Variants in OR6C1 observed in about 807,000 individuals in gnomAD.
The protein encoded by OR6C1 is olfactory receptor family 6 subfamily C member 1.
For missense variants in OR6C1, 386 were observed against 366.1 expected (o/e 1.05, Z -0.44); for synonymous variants, 157 against 133.3 (o/e 1.18, Z -1.22).
rs777792941 is a variant in OR6C1, at chr12:55,321,109, T to C, written c.510T>C (p.Asn170=). ...TAAAGCTTCATTACTGTAGGTCTAA[T>C]ATTATTGACCATTTTACCTGTGATT... ...LLLKLHYCRS[N]IIDHFTCDYF... Residue 170 remains asparagine, a synonymous_variant, in exon 2 of 2, where the codon AAT becomes AAC. Transcript: ENST00000642104. 9.3e-6 allele frequency: 15 copies of C among 1,613,102 alleles called. No individual in the cohort carries two copies. Among genetic ancestry groups the C allele is most frequent in the Non-Finnish European group, 1.3e-5 (15 of 1,179,140 alleles).
chr12:55,321,679 A>G lies in OR6C1; in HGVS notation c.*141A>G. On this transcript the variant is annotated 3_prime_UTR_variant, in exon 2 of 2. Transcript: ENST00000642104. ...GTTTGCAAGCATATTTATTTAATAT[A>G]TTTCTCATTTGACTTAAAATAATTT... 1 of 474,088 alleles carries G rather than the reference A, an allele frequency of 2.1e-6. No homozygotes were observed. The allele number at this position is 474,088 out of a possible 1,614,324, so 29.4% of individuals were successfully genotyped here. A position where few individuals can be genotyped will look rare whatever the true frequency, so the allele number is the denominator to read the frequency against.
chr12:55,320,841 G>A lies in OR6C1; in HGVS notation c.242G>A (p.Gly81Asp), dbSNP rs769276643. ...ACCGTCAGTATACCCAAGTTTCTGG[G>A]TAACATTATTTCAGGAGATAAAACC... ...FTTVSIPKFL[G>D]NIISGDKTIS... Residue 81 changes from glycine (G) to aspartate (D), a missense_variant, in exon 2 of 2, where the codon GGT (glycine) becomes GAT (aspartate). Transcript: ENST00000642104. The A allele has an allele frequency of 1.4e-5, 22 of 1,613,402 alleles. No homozygotes were observed. In the Admixed American group the frequency reaches 3.0e-4, roughly 22 times the overall value.
At chr12:55,319,996 C>T (rs1305605133) in intron 1 of OR6C1, among the ~76,000 whole-genome samples, 1 of 152,066 alleles carries the variant, frequency 6.6e-6, no homozygotes, top group Non-Finnish European at 1.5e-5. Flanking sequence ...CAAAAATTAT[C>T]CAGGCGTGGT....
intron 1 of OR6C1, among the ~76,000 whole-genome samples, chr12:55,316,769 A>G (rs548481717): frequency 6.6e-6 from 1 of 151,954 alleles, no homozygotes; most frequent in Admixed American, 6.6e-5. Context: ...AGCATGATAT[A>G]CCACACCCAG....
intron 1 of OR6C1, among the ~76,000 whole-genome samples, chr12:55,316,098 C>T (rs78828617): frequency 0.051 from 5,354 of 105,768 alleles, 337 homozygotes; most frequent in African/African-American, 0.15. Context: ...AAAGTACATA[C>T]ACACACACAC....
In OR6C1 at chr12:55,321,606, C is replaced by A; in HGVS notation, c.*68C>A. The A allele has an allele frequency of 9.6e-7, 1 of 1,043,820 alleles. No homozygotes were observed. The highest frequency in any genetic ancestry group is 1.7e-5 in the South Asian group (1 of 59,954). The allele number at this position is 1,043,820 out of a possible 1,614,324, so 64.7% of individuals were successfully genotyped here. On this transcript the variant is annotated 3_prime_UTR_variant, in exon 2 of 2. Coordinates refer to ENST00000642104, the MANE Select transcript of OR6C1 (RefSeq NM_001005182.2). ...ATGAATTTTCAGTAGCTTCTTCAAT[C>A]AAAATGGCCTCCTTGCAGTCTTCTG... is the stretch of plus-strand genomic sequence containing the variant.
In OR6C1 at chr12:55,319,864, GT is replaced by G. The variant is rs200484235; in HGVS notation, c.-33-701del. ...CACTCACTTTTTAAAAACTGGGCCA[GT>G]TGCAGTGGCTCATGCCTGTAATCCC... On this transcript the variant is annotated intron_variant, in intron 1 of 1. Transcript: ENST00000642104. Among the ~76,000 whole-genome samples the G allele has an allele frequency of 2.4e-3, 372 of 152,330 alleles. 3 individuals carry two copies. The East Asian group carries it at 0.028, about 11-fold the overall frequency.
Position 55,314,401 on chromosome 12 carries a change from C to G in OR6C1, c.-232C>G, listed in dbSNP as rs1023644446. On this transcript the variant is annotated 5_prime_UTR_variant, in exon 1 of 2. Coordinates refer to ENST00000642104, the MANE Select transcript of OR6C1 (RefSeq NM_001005182.2). ...TTTATATTTTTGCTCCTTTCTCACT[C>G]TCTACTATCAAAGACACATATTCTG... 1 of 151,294 alleles carries G rather than the reference C, an allele frequency of 6.6e-6. No homozygotes were observed. Among genetic ancestry groups the G allele is most frequent in the South Asian group, 2.1e-4 (1 of 4,796 alleles). 9.4% of individuals were successfully genotyped at this position (151,294 alleles called of 1,614,324 possible).
rs1657737817 is a variant in OR6C1, at chr12:55,322,340, GAT to G, written c.*805_*806del. 1 of 151,714 alleles carries G rather than the reference GAT, an allele frequency of 6.6e-6. No individual in the cohort carries two copies. Among genetic ancestry groups the G allele is most frequent in the African/African-American group, 2.4e-5 (1 of 41,360 alleles). 9.4% of individuals were successfully genotyped at this position (151,714 alleles called of 1,614,324 possible). On this transcript the variant is annotated 3_prime_UTR_variant, in exon 2 of 2. Coordinates refer to ENST00000642104, the MANE Select transcript of OR6C1 (RefSeq NM_001005182.2). ...TAAATTTTAGACTAGTTTAAAACAGGATATGTATCCAAATTATTTTATACCTG... is the reference window on the plus strand; with the variant it reads ...TAAATTTTAGACTAGTTTAAAACAGGATGTATCCAAATTATTTTATACCTG...
chr12:55,316,125 ACACACC>A (rs780115011), intron 1 of OR6C1, among the ~76,000 whole-genome samples: 2,491 of 137,668 alleles, frequency 0.018, 79 homozygotes, highest in African/African-American at 0.075. Context: ...ACACACACAC[ACACACC>A]CCCCGAGAGA....
chr12:55,319,867 G>A (rs912434601), intron 1 of OR6C1, among the ~76,000 whole-genome samples: 5 of 152,150 alleles, frequency 3.3e-5, no homozygotes, highest in African/African-American at 1.2e-4. Context: ...TGGGCCAGTT[G>A]CAGTGGCTCA....
chr12:55,321,354 G>A lies in OR6C1; in HGVS notation c.755G>A (p.Ser252Asn), dbSNP rs1868552068. ...HMVVVSISYGSCIFMYIKPSA... is the reference protein window; with the variant it reads ...HMVVVSISYGNCIFMYIKPSA... ...GTTGTTGTCTCCATCTCTTATGGCA[G>A]CTGCATTTTTATGTACATTAAACCC... Residue 252 changes from serine to asparagine, a missense_variant, in exon 2 of 2, where the codon AGC becomes AAC. Transcript: ENST00000642104. 1 of 1,613,872 alleles carries A rather than the reference G, an allele frequency of 6.2e-7. No individual in the cohort carries two copies. The highest frequency in any genetic ancestry group is 8.5e-7 in the Non-Finnish European group (1 of 1,179,864).
chr12:55,317,042 A>C (rs182416331), intron 1 of OR6C1, among the ~76,000 whole-genome samples: 71 of 152,106 alleles, frequency 4.7e-4, no homozygotes, highest in African/African-American at 1.6e-3. Flanking sequence ...TTTACAAAAA[A>C]AGTTGAAATA....
At chr12:55,315,967 A>G (rs75586510) in intron 1 of OR6C1, among the ~76,000 whole-genome samples, 5,368 of 151,682 alleles carry the variant, frequency 0.035, 326 homozygotes, top group African/African-American at 0.12. Context: ...TTTTTCAGTG[A>G]TCTCTATTAA....
rs1428069677 is a variant in OR6C1, at chr12:55,322,184, A to T, written c.*646A>T. On this transcript the variant is annotated 3_prime_UTR_variant, in exon 2 of 2. Transcript: ENST00000642104. The stretch of plus-strand genomic sequence containing the variant: ...AGAATGACAGATGATGGATAGACAC[A>T]TATGCAAATACATACATAAGTTTTG... 1 of 152,018 alleles carries T rather than the reference A, an allele frequency of 6.6e-6. No individual in the cohort carries two copies. The highest frequency in any genetic ancestry group is 2.4e-5 in the African/African-American group (1 of 41,456). 9.4% of individuals were successfully genotyped at this position (152,018 alleles called of 1,614,324 possible). A position where few individuals can be genotyped will look rare whatever the true frequency, so the allele number is the denominator to read the frequency against.
Position 55,321,531 on chromosome 12 carries a change from G to A in OR6C1, c.932G>A (p.Ser311Asn). The change falls in exon 2 of 2, where the codon AGC becomes AAC. Residue 311 changes from serine (S) to asparagine (N), a missense_variant. Ser to Asn is a conservative substitution (Grantham distance 46). Transcript: ENST00000642104. Reference protein sequence around the residue: ...NMARKTVFFTST With the variant: ...NMARKTVFFTNT Reference sequence around the variant, plus strand: ...GCAAGGAAGACTGTATTTTTCACAAGCACATGAAATGGTATGGTGTGATGA... The same window carrying A: ...GCAAGGAAGACTGTATTTTTCACAAACACATGAAATGGTATGGTGTGATGA... 6.2e-7 allele frequency: 1 copy of A among 1,606,122 alleles called. No individual in the cohort carries two copies. Among genetic ancestry groups the A allele is most frequent in the Middle Eastern group, 1.7e-4 (1 of 6,010 alleles).
intron 1 of OR6C1, among the ~76,000 whole-genome samples, chr12:55,315,179 A>T (rs1868388824): frequency 6.6e-6 from 1 of 151,698 alleles, no homozygotes; most frequent in South Asian, 2.1e-4. Flanking sequence ...CATCCTTGAA[A>T]TTTCAACTCT....
intron 1 of OR6C1, among the ~76,000 whole-genome samples, chr12:55,319,747 C>T (rs1868489901): frequency 6.6e-6 from 1 of 152,158 alleles, no homozygotes; most frequent in African/African-American, 2.4e-5. Context: ...TGCTTTTTCC[C>T]ACCTGGCATC....
At chr12:55,320,274 AG>A (rs1322137775) in intron 1 of OR6C1, among the ~76,000 whole-genome samples, 1 of 152,200 alleles carries the variant, frequency 6.6e-6, no homozygotes, top group Non-Finnish European at 1.5e-5. Context: ...GGAAACTTGT[AG>A]GCATGTCTTT....
Sources: allele counts gnomAD v4.1 joint callset (sites outside exome capture counted in the v4.1 genomes callset), GRCh38; gene constraint gnomAD v4.1.1; transcripts MANE v1.5; gene names NCBI Gene and HGNC (gene_info 2026-07-23, HGNC 2026-07-21).